Variants in CCND3 observed in about 807,000 individuals in gnomAD.
CCND3 encodes the protein cyclin D3, also known as G1/S-specific cyclin-D3.
In CCND3, 9 loss-of-function variants were observed where a neutral mutation model predicts 28.7. The ratio of observed to expected loss-of-function variants is 0.31; its 90% CI spans 0.19 to 0.55. The LOEUF (loss-of-function observed/expected upper bound fraction) is 0.55, where lower values mean the gene tolerates loss of function less well. Ranked by LOEUF, CCND3 falls within the 20% of genes least tolerant of loss-of-function variation. CCND3 has a pLI of 0.93. For missense variants in CCND3, 315 were observed against 385.8 expected (o/e 0.82, Z 1.54); for synonymous variants, 164 against 163.9 (o/e 1.00, Z 0.00).
intron 1 of CCND3, among the ~76,000 whole-genome samples, chr6:42,009,599 C>T (rs184358617): frequency 4.7e-5 from 7 of 149,746 alleles, no homozygotes; most frequent in South Asian, 4.3e-4. Context: ...GCAACAAGAC[C>T]GAAACTCCGT....
intron 1 of CCND3, among the ~76,000 whole-genome samples, chr6:42,014,554 C>A (rs1331573543): frequency 2.0e-5 from 3 of 152,264 alleles, no homozygotes; most frequent in Non-Finnish European, 4.4e-5. Context: ...TATATACATA[C>A]CAGGTCAGTG....
In CCND3 at chr6:41,974,769, C is replaced by G. The variant is rs550420084; in HGVS notation, c.-45-34184G>C. Among the ~76,000 whole-genome samples the G allele has an allele frequency of 2.7e-5, 4 of 149,964 alleles. No individual in the cohort carries two copies. In the South Asian group the frequency reaches 8.4e-4, roughly 32 times the overall value. On this transcript the variant is annotated intron_variant, in intron 1 of 4. Coordinates refer to the CCND3 transcript ENST00000372988. The stretch of plus-strand genomic sequence containing the variant: ...GGCCAATCTGGTATTTCTCTTAAGC[C>G]TAACTGTCAATTCCCCACAGTTCTT...
chr6:41,998,824 C>T (rs1262208981), intron 1 of CCND3, among the ~76,000 whole-genome samples: 1 of 151,744 alleles, frequency 6.6e-6, no homozygotes, highest in African/African-American at 2.4e-5. Context: ...GGATTATAGG[C>T]ATGTGCCACC....
At position 41,941,623 on chromosome 6, in the gene CCND3, G is replaced by C. The variant is rs888904737; in HGVS notation, c.27C>G (p.Thr9=). The change falls in exon 1 of 5, where the codon ACC becomes ACG. Residue 9 remains threonine (T), a synonymous_variant. Coordinates refer to ENST00000372991, the MANE Select transcript of CCND3 (RefSeq NM_001760.5). This position sits in a 1 kb window ranked among gnomAD's most constrained non-coding sequence, Gnocchi z 6.1. The part of the protein sequence containing the change: MELLCCEG[T]RHAPRAGPDP... ...CCGGCCCGGCCCGGGGCGCGTGCCG[G>C]GTGCCTTCGCAACACAGCAGCTCCA... 2 of 1,515,348 alleles carry C rather than the reference G, an allele frequency of 1.3e-6. No individual in the cohort carries two copies. The highest frequency in any genetic ancestry group is 1.4e-5 in the African/African-American group (1 of 71,514). The allele number at this position is 1,515,348 out of a possible 1,614,324, so 93.9% of individuals were successfully genotyped here. A position where few individuals can be genotyped will look rare whatever the true frequency, so the allele number is the denominator to read the frequency against.
At position 41,936,589 on chromosome 6, in the gene CCND3, C is replaced by A. The variant is rs777561800; in HGVS notation, c.681G>T (p.Glu227Asp). The A allele has an allele frequency of 1.2e-6, 2 of 1,614,206 alleles. No homozygotes were observed. The highest frequency in any genetic ancestry group is 8.5e-7 in the Non-Finnish European group (1 of 1,180,020). Residue 227 changes from glutamate to aspartate, a missense_variant, in exon 4 of 5, where the codon GAG becomes GAT. By Grantham distance (45) the Glu-to-Asp change is conservative. Transcript: ENST00000372991. This position sits in a 1 kb window ranked among gnomAD's most constrained non-coding sequence, Gnocchi z 4.4. ...ACSMSGDELT[E>D]LLAGITGTEV... ...CAGTGCCAGTGATCCCTGCCAGCAG[C>A]TCTGTGAGCTCATCCCCGGACATGG...
intron 1 of CCND3, among the ~76,000 whole-genome samples, chr6:42,029,408 T>C (rs949091570): frequency 2.6e-5 from 4 of 152,166 alleles, no homozygotes; most frequent in Admixed American, 6.6e-5. Flanking sequence ...AGGGGACACC[T>C]GTCCAGTAGT....
intron 1 of CCND3, among the ~76,000 whole-genome samples, chr6:41,960,927 G>A (rs1761700299): frequency 2.6e-5 from 4 of 152,156 alleles, no homozygotes; most frequent in Admixed American, 2.6e-4. Flanking sequence ...TCTAGGCTAA[G>A]CTTCCTGGAG....
chr6:41,948,266 T>C (rs1214255316), intron 1 of CCND3, among the ~76,000 whole-genome samples: 1 of 152,156 alleles, frequency 6.6e-6, no homozygotes, highest in East Asian at 1.9e-4. Context: ...ACAGCTTGTC[T>C]ACTCCCACAC....
intron 3 of CCND3, chr6:41,937,032 G>A (rs1775824599): frequency 1.6e-6 from 1 of 627,308 alleles, no homozygotes; most frequent in Admixed American, 2.8e-5. Flanking sequence ...TATACCCTCA[G>A]TGTCCCCACT....
intron 1 of CCND3, among the ~76,000 whole-genome samples, chr6:41,974,861 T>C (rs931089833): frequency 4.0e-5 from 6 of 148,878 alleles, no homozygotes; most frequent in Non-Finnish European, 7.4e-5. Context: ...GGCGCCATCT[T>C]GGCTCACTGC....
At chr6:41,970,448 G>C (rs900842457) in intron 1 of CCND3, among the ~76,000 whole-genome samples, 18 of 152,346 alleles carry the variant, frequency 1.2e-4, no homozygotes, top group African/African-American at 4.3e-4. Context: ...TGAATGCAAA[G>C]TGCCAATTTT....
At chr6:42,021,684 A>G (rs1304459069) in intron 1 of CCND3, among the ~76,000 whole-genome samples, 1 of 152,184 alleles carries the variant, frequency 6.6e-6, no homozygotes, top group Non-Finnish European at 1.5e-5. Flanking sequence ...AGGAGGATAA[A>G]GGGCATTCCA....
intron 1 of CCND3, among the ~76,000 whole-genome samples, chr6:42,009,427 C>A (rs1056423530): frequency 6.6e-6 from 1 of 152,180 alleles, no homozygotes; most frequent in African/African-American, 2.4e-5. Flanking sequence ...GCCTGGCCAA[C>A]ATGGTGAAAC....
chr6:42,003,222 T>TA (rs5875781), intron 1 of CCND3, among the ~76,000 whole-genome samples: 20 of 147,878 alleles, frequency 1.4e-4, no homozygotes, highest in African/African-American at 5.0e-4. Context: ...CTTATGAAGT[T>TA]AAAAAAAAAA....
chr6:42,045,760 A>G (rs1207185322), intron 1 of CCND3, among the ~76,000 whole-genome samples: 2 of 152,348 alleles, frequency 1.3e-5, no homozygotes, highest in East Asian at 3.9e-4. Context: ...CAAGATAAAC[A>G]CATCTACTGC....
chr6:42,045,759 C>G (rs1764522749), intron 1 of CCND3, among the ~76,000 whole-genome samples: 1 of 152,254 alleles, frequency 6.6e-6, no homozygotes, highest in African/African-American at 2.4e-5. Flanking sequence ...GCAAGATAAA[C>G]ACATCTACTG....
At position 42,048,872 on chromosome 6, in the gene CCND3, C is replaced by T. The variant is rs1764630553; in HGVS notation, c.-417G>A. 3 of 304,972 alleles carry T rather than the reference C, an allele frequency of 9.8e-6. No individual in the cohort carries two copies. The highest frequency in any genetic ancestry group is 5.7e-5 in the Admixed American group (1 of 17,648). The allele number at this position is 304,972 out of a possible 1,614,324, so 18.9% of individuals were successfully genotyped here. On this transcript the variant is annotated 5_prime_UTR_variant, in exon 1 of 5. Transcript: ENST00000372988. The surrounding 1 kb of genome is among the most constrained non-coding windows in gnomAD (Gnocchi z 4.7). ...CGGCGCCGCGCACCCCCGCCCGCAG[C>T]CCCCGCCCCACGCGGCATAGGTGCG... is the stretch of plus-strand genomic sequence containing the variant.
At chr6:42,014,714 G>A (rs181400103) in intron 1 of CCND3, among the ~76,000 whole-genome samples, 2 of 152,268 alleles carry the variant, frequency 1.3e-5, no homozygotes, top group East Asian at 3.9e-4. Flanking sequence ...CCTGAGCCCC[G>A]AAGTTTGAGG....
intron 1 of CCND3, among the ~76,000 whole-genome samples, chr6:42,017,079 G>A (rs138579218): frequency 2.8e-4 from 43 of 152,332 alleles, no homozygotes; most frequent in African/African-American, 9.9e-4. Context: ...GCAGGGGCAC[G>A]TCCTGGAAGT....
Sources: allele counts gnomAD v4.1 joint callset (sites outside exome capture counted in the v4.1 genomes callset), GRCh38; gene constraint gnomAD v4.1.1; non-coding constraint Gnocchi (gnomAD v3.1); transcripts MANE v1.5; gene names NCBI Gene and HGNC (gene_info 2026-07-23, HGNC 2026-07-21).